Variants in FILIP1L observed in about 807,000 individuals in gnomAD.
FILIP1L encodes filamin A-interacting protein 1-like.
FILIP1L carries 55 observed loss-of-function variants against 96.6 expected under a neutral mutation model. The observed-to-expected ratio is 0.57, with a 90% CI of 0.46 to 0.71. The LOEUF is 0.71. Among genes scored for constraint, FILIP1L ranks in the 30% least tolerant of loss-of-function variants. The probability of loss-of-function intolerance (pLI) is 0.00; values close to 1 mark genes in which losing one functional copy is unlikely to be tolerated. For missense variants in FILIP1L, 1,304 were observed against 1,321.2 expected (o/e 0.99, Z 0.20); for synonymous variants, 467 against 473.9 (o/e 0.99, Z 0.19).
chr3:99,967,265 T>C (rs1576607291), intron 1 of FILIP1L, among the ~76,000 whole-genome samples: 2 of 152,328 alleles, frequency 1.3e-5, no homozygotes, highest in South Asian at 4.1e-4. Context: ...CCTCTGATAT[T>C]AATACTTACC....
chr3:100,046,739 A>G (rs896119987), intron 1 of FILIP1L, among the ~76,000 whole-genome samples: 3 of 152,212 alleles, frequency 2.0e-5, no homozygotes, highest in African/African-American at 7.2e-5. Context: ...AAATGCTCTC[A>G]AGATGGTTTT....
intron 1 of FILIP1L, among the ~76,000 whole-genome samples, chr3:99,961,669 A>G (rs949901376): frequency 3.7e-4 from 56 of 152,294 alleles, no homozygotes; most frequent in African/African-American, 1.3e-3. Context: ...TTTTGAAGCT[A>G]CTTAGAATAT....
chr3:99,911,488 T>C (rs1421242541), intron 4 of FILIP1L, among the ~76,000 whole-genome samples: 7 of 152,068 alleles, frequency 4.6e-5, no homozygotes, highest in Middle Eastern at 3.2e-3. Context: ...GAATGTCTCA[T>C]GGTCTCAGGA....
intron 1 of FILIP1L, among the ~76,000 whole-genome samples, chr3:99,954,854 A>T (rs1708275089): frequency 6.6e-6 from 1 of 152,170 alleles, no homozygotes; most frequent in Admixed American, 6.5e-5. Context: ...AAGTCACAAC[A>T]GACTGTTAGG....
At chr3:99,841,461 A>G (rs1465602585) in intron 5 of FILIP1L, among the ~76,000 whole-genome samples, 1 of 152,178 alleles carries the variant, frequency 6.6e-6, no homozygotes, top group Non-Finnish European at 1.5e-5. Context: ...GGAAGTCTCA[A>G]TTCCCTCTGT....
intron 1 of FILIP1L, among the ~76,000 whole-genome samples, chr3:99,998,370 C>T (rs551070854): frequency 1.3e-4 from 20 of 152,212 alleles, no homozygotes; most frequent in African/African-American, 4.8e-4. Context: ...TGTAGCAACC[C>T]ATCTTGCATG....
intron 5 of FILIP1L, among the ~76,000 whole-genome samples, chr3:99,839,886 G>A (rs762315607): frequency 2.6e-5 from 4 of 152,126 alleles, no homozygotes; most frequent in Non-Finnish European, 4.4e-5. Context: ...CATATGAGTT[G>A]TCAGATTTTT....
intron 4 of FILIP1L, among the ~76,000 whole-genome samples, chr3:99,922,566 A>G (rs1707158080): frequency 6.6e-6 from 1 of 152,214 alleles, no homozygotes; most frequent in Non-Finnish European, 1.5e-5. Context: ...AAAGTTTGCT[A>G]TTAGCCTAGA....
chr3:100,030,688 C>A (rs2065008918), intron 1 of FILIP1L, among the ~76,000 whole-genome samples: 1 of 152,136 alleles, frequency 6.6e-6, no homozygotes, highest in African/African-American at 2.4e-5. Context: ...AAACCAGTAT[C>A]CAATAACTGC....
chr3:99,936,558 T>TTTTTTTTTTTTTTTTTTTTTTTTTTTG, intron 1 of FILIP1L, among the ~76,000 whole-genome samples: 1 of 142,330 alleles, frequency 7.0e-6, no homozygotes, highest in African/African-American at 2.7e-5. Context: ...GTATTTTTAC[T>TTTTTTTTTTTTTTTTTTTTTTTTTTTG]AGAGGTGGAA....
chr3:100,019,648 T>C (rs1190360702), intron 1 of FILIP1L, among the ~76,000 whole-genome samples: 3 of 152,242 alleles, frequency 2.0e-5, no homozygotes, highest in Non-Finnish European at 2.9e-5. Context: ...TGCTGTTGAC[T>C]GTCTTTCCAT....
chr3:100,021,244 G>C (rs2064811719), intron 1 of FILIP1L, among the ~76,000 whole-genome samples: 1 of 152,176 alleles, frequency 6.6e-6, no homozygotes, highest in South Asian at 2.1e-4. Context: ...TGAATTTCTA[G>C]TGACACCCTA....
chr3:99,969,547 G>C (rs1158108726), intron 1 of FILIP1L, among the ~76,000 whole-genome samples: 1 of 152,184 alleles, frequency 6.6e-6, no homozygotes, highest in Non-Finnish European at 1.5e-5. Flanking sequence ...AATGGTTGAA[G>C]TAATGAGCCG....
chr3:99,983,389 A>AATATATATATATATAT (rs397990626), intron 1 of FILIP1L, among the ~76,000 whole-genome samples: 2 of 40,798 alleles, frequency 4.9e-5, no homozygotes, highest in African/African-American at 1.0e-4. Flanking sequence ...TAAATAAATA[A>AATATATATATATATAT]ATATATATAT....
intron 4 of FILIP1L, among the ~76,000 whole-genome samples, chr3:99,860,026 C>T (rs775291114): frequency 6.6e-6 from 1 of 152,182 alleles, no homozygotes; most frequent in Non-Finnish European, 1.5e-5. Context: ...AGAACAGTAA[C>T]ACTTTTTTTG....
intron 1 of FILIP1L, among the ~76,000 whole-genome samples, chr3:99,950,983 A>C (rs547570109): frequency 6.6e-6 from 1 of 152,350 alleles, no homozygotes; most frequent in Non-Finnish European, 1.5e-5. Context: ...AAAACTTGTT[A>C]AGAGGGATCC....
intron 1 of FILIP1L, among the ~76,000 whole-genome samples, chr3:100,063,054 T>C (rs1220172394): frequency 3.3e-5 from 5 of 152,248 alleles, no homozygotes; most frequent in Admixed American, 2.0e-4. Context: ...TTGGAGTTCA[T>C]TGAGGCCAAA....
intron 1 of FILIP1L, among the ~76,000 whole-genome samples, chr3:100,003,895 G>A (rs1709913433): frequency 6.6e-6 from 1 of 152,162 alleles, no homozygotes; most frequent in East Asian, 1.9e-4. Flanking sequence ...TATAAAGAGA[G>A]AAGGCATAAA....
chr3:99,880,286 A>G (rs552360126), intron 4 of FILIP1L, among the ~76,000 whole-genome samples: 4 of 152,294 alleles, frequency 2.6e-5, no homozygotes, highest in African/African-American at 9.6e-5. Flanking sequence ...CTGTACATGT[A>G]GATACCCACA....
Sources: gnomAD v4.1 joint callset for allele counts (sites outside exome capture counted in the v4.1 genomes callset) on GRCh38, gnomAD v4.1.1 for gene constraint, MANE v1.5 for transcripts, NCBI Gene and HGNC (gene_info 2026-07-23, HGNC 2026-07-21) for gene names.